Variants in NCOA2 observed in about 807,000 individuals in gnomAD.
The protein encoded by NCOA2 is class E basic helix-loop-helix protein 75.
In NCOA2, 21 loss-of-function variants were observed where a neutral mutation model predicts 145.1. The ratio of observed to expected loss-of-function variants is 0.14; its 90% CI spans 0.10 to 0.21. NCOA2 has a LOEUF of 0.21. Ranked by LOEUF, NCOA2 falls within the 10% of genes least tolerant of loss-of-function variation. The probability of loss-of-function intolerance (pLI) is 1.00; values close to 1 mark genes in which losing one functional copy is unlikely to be tolerated. For missense variants in NCOA2, 1,472 were observed against 1,837.6 expected (o/e 0.80, Z 3.64); for synonymous variants, 619 against 637.5 (o/e 0.97, Z 0.44).
At chr8:70,131,007 T>G (rs1479471223) in intron 16 of NCOA2, among the ~76,000 whole-genome samples, 1 of 152,228 alleles carries the variant, frequency 6.6e-6, no homozygotes, top group Non-Finnish European at 1.5e-5. Context: ...TCCTTTTTTA[T>G]AGTAACCAAC....
intron 2 of NCOA2, among the ~76,000 whole-genome samples, chr8:70,280,474 T>C (rs1037829762): frequency 1.3e-5 from 2 of 152,342 alleles, no homozygotes; most frequent in East Asian, 1.9e-4. Context: ...TTTGGTTGTA[T>C]AGAATTCTTC....
intron 2 of NCOA2, among the ~76,000 whole-genome samples, chr8:70,231,833 T>C (rs563367823): frequency 1.3e-5 from 2 of 152,226 alleles, no homozygotes; most frequent in East Asian, 3.9e-4. Flanking sequence ...ACCAGTACCA[T>C]AGAACGCCTC....
intron 1 of NCOA2, among the ~76,000 whole-genome samples, chr8:70,363,975 T>C (rs1418152958): frequency 6.6e-6 from 1 of 151,404 alleles, no homozygotes; most frequent in Non-Finnish European, 1.5e-5. Context: ...TTCCCACAAC[T>C]TGAATGCTAT....
At chr8:70,341,567 C>G (rs1808145076) in intron 1 of NCOA2, among the ~76,000 whole-genome samples, 1 of 152,206 alleles carries the variant, frequency 6.6e-6, no homozygotes, top group African/African-American at 2.4e-5. Context: ...GTAAAACTGT[C>G]TTGCAATGAT....
chr8:70,381,023 G>C (rs1025715915), intron 1 of NCOA2, among the ~76,000 whole-genome samples: 4 of 150,546 alleles, frequency 2.7e-5, no homozygotes, highest in Non-Finnish European at 5.9e-5. Context: ...AGTGAGTGGA[G>C]ATGGCACAAC....
intron 1 of NCOA2, among the ~76,000 whole-genome samples, chr8:70,346,293 G>A (rs980650731): frequency 3.3e-5 from 5 of 152,168 alleles, no homozygotes; most frequent in Non-Finnish European, 1.5e-5. Context: ...CCTATGCAAT[G>A]GCTTTTAATA....
intron 2 of NCOA2, among the ~76,000 whole-genome samples, chr8:70,272,443 T>C (rs1290260638): frequency 1.3e-5 from 2 of 152,240 alleles, no homozygotes. Context: ...TTCTGTGTCA[T>C]GTTTCTGGTT....
chr8:70,456,177 T>G, the NCOA2 span, among the ~76,000 whole-genome samples: 1 of 152,046 alleles, frequency 6.6e-6, no homozygotes, highest in Non-Finnish European at 1.5e-5. Context: ...GGCCTCAGTC[T>G]CTGCACCTAT....
chr8:70,309,241 A>T (rs545461387), intron 1 of NCOA2, among the ~76,000 whole-genome samples: 1 of 152,060 alleles, frequency 6.6e-6, no homozygotes, highest in African/African-American at 2.4e-5. Context: ...AACCATCCCT[A>T]TTGTGCCCTG....
the NCOA2 span, among the ~76,000 whole-genome samples, chr8:70,447,111 T>C: frequency 6.6e-6 from 1 of 152,210 alleles, no homozygotes; most frequent in African/African-American, 2.4e-5. Context: ...GAATTTCTCT[T>C]TGGCAATCAC....
At chr8:70,370,752 A>G (rs1360690108) in intron 1 of NCOA2, among the ~76,000 whole-genome samples, 1 of 152,224 alleles carries the variant, frequency 6.6e-6, no homozygotes, top group African/African-American at 2.4e-5. Context: ...AAAGGAAAAA[A>G]AAGAGAAGGA....
the NCOA2 span, among the ~76,000 whole-genome samples, chr8:70,426,535 A>G: frequency 1.3e-5 from 2 of 152,222 alleles, no homozygotes; most frequent in Non-Finnish European, 2.9e-5. Context: ...AGTTAAAGGC[A>G]GGCACTGTGA....
At position 70,270,731 on chromosome 8, in the gene NCOA2, T is replaced by G. The variant is rs188846307; in HGVS notation, c.-20+26013A>C. On this transcript the variant is annotated intron_variant, in intron 2 of 22. Coordinates refer to ENST00000452400, the MANE Select transcript of NCOA2 (RefSeq NM_006540.4). ...CCTTTAACAATAACAACAACCAGATTGAAATTAAATATTTGAGTTGCTCTC... is the reference window on the plus strand; with the variant it reads ...CCTTTAACAATAACAACAACCAGATGGAAATTAAATATTTGAGTTGCTCTC... Among the ~76,000 whole-genome samples, 42 of 152,330 alleles carry G rather than the reference T, an allele frequency of 2.8e-4. No individual in the cohort carries two copies. The East Asian group carries it at 6.4e-3, about 23-fold the overall frequency.
intron 21 of NCOA2, among the ~76,000 whole-genome samples, chr8:70,122,882 T>C (rs1807978914): frequency 6.6e-6 from 1 of 152,214 alleles, no homozygotes; most frequent in Non-Finnish European, 1.5e-5. Flanking sequence ...ATTTCATGCT[T>C]AAGTCATTTA....
chr8:70,213,888 AT>A lies in NCOA2; in HGVS notation c.259+14del. 3 of 1,561,810 alleles carry A rather than the reference AT, an allele frequency of 1.9e-6. No homozygotes were observed. Among genetic ancestry groups the A allele is most frequent in the South Asian group, 2.4e-5 (2 of 84,510 alleles). ...ACCAATTCAACTCTTCAAAATACTA[AT>A]TCAGTCCTCTTACCTTGTTCTTTGA... On this transcript the variant is annotated intron_variant, in intron 4 of 22. Transcript: ENST00000452400.
the NCOA2 span, among the ~76,000 whole-genome samples, chr8:70,420,770 G>T: frequency 6.6e-6 from 1 of 152,104 alleles, no homozygotes; most frequent in Middle Eastern, 3.4e-3. Flanking sequence ...TCAGCCTCCC[G>T]AGTAGCTGGG....
In NCOA2 at chr8:70,141,264, T is replaced by C; in HGVS notation, c.2948A>G (p.Asn983Ser). Residue 983 changes from asparagine (N) to serine (S), a missense_variant, in exon 14 of 23, where the codon AAC (asparagine) becomes AGC (serine). Physicochemically the swap from Asn to Ser is conservative, Grantham distance 46 (BLOSUM62 1). This residue lies in a region of NCOA2 where 953 missense variants were observed against 1,062.1 expected (regional missense o/e 0.90). Transcript: ENST00000452400. Reference protein sequence around the residue: ...NRPVQGGMIRNPAASIPMRPS... With the variant: ...NRPVQGGMIRSPAASIPMRPS... The stretch of plus-strand genomic sequence containing the variant: ...CCTCATGGGGATGCTGGCTGCTGGG[T>C]TCCGAATCATACCTCCTTGGACTGG... 6.2e-7 allele frequency: 1 copy of C among 1,613,854 alleles called. No homozygotes were observed. Among genetic ancestry groups the C allele is most frequent in the Non-Finnish European group, 8.5e-7 (1 of 1,179,856 alleles).
intron 2 of NCOA2, among the ~76,000 whole-genome samples, chr8:70,220,140 T>C (rs77928076): frequency 0.017 from 2,574 of 152,306 alleles, 48 homozygotes; most frequent in Non-Finnish European, 0.024. Context: ...AGTGTAAAGG[T>C]AGGAGATGGA....
chr8:70,384,304 T>C (rs890276493), intron 1 of NCOA2, among the ~76,000 whole-genome samples: 4 of 151,640 alleles, frequency 2.6e-5, no homozygotes, highest in East Asian at 1.9e-4. Context: ...TGGTGAAATA[T>C]GCCCAACCAT....
Sources: allele counts gnomAD v4.1 joint callset (sites outside exome capture counted in the v4.1 genomes callset), GRCh38; gene constraint gnomAD v4.1.1; regional missense constraint gnomAD v4.1.1; transcripts MANE v1.5; gene names NCBI Gene and HGNC (gene_info 2026-07-23, HGNC 2026-07-21).